Variants in TMTC3 observed in about 807,000 individuals in gnomAD.
TMTC3 encodes protein O-mannosyl-transferase TMTC3.
TMTC3 carries 52 observed loss-of-function variants against 92.2 expected under a neutral mutation model. The observed-to-expected ratio is 0.56, with a 90% CI of 0.45 to 0.71. The LOEUF (loss-of-function observed/expected upper bound fraction) is 0.71, where lower values mean the gene tolerates loss of function less well. Among genes scored for constraint, TMTC3 ranks in the 30% least tolerant of loss-of-function variants. The pLI is 0.00. For missense variants in TMTC3, 896 were observed against 1,057.1 expected (o/e 0.85, Z 2.11); for synonymous variants, 339 against 363.3 (o/e 0.93, Z 0.76).
chr12:88,168,172 T>C (rs2041166783), intron 7 of TMTC3, among the ~76,000 whole-genome samples: 1 of 152,192 alleles, frequency 6.6e-6, no homozygotes, highest in Admixed American at 6.5e-5. Context: ...GGAAAGTGTA[T>C]TACAGACCAA....
At chr12:88,165,983 A>T (rs2041138694) in intron 6 of TMTC3, among the ~76,000 whole-genome samples, 1 of 152,196 alleles carries the variant, frequency 6.6e-6, no homozygotes, top group Non-Finnish European at 1.5e-5. Context: ...CATAAATCTT[A>T]TACAACTTTT....
intron 10 of TMTC3, among the ~76,000 whole-genome samples, chr12:88,177,844 GA>G (rs1287902871): frequency 1.3e-5 from 2 of 152,224 alleles, no homozygotes; most frequent in Non-Finnish European, 2.9e-5. Context: ...GAAAGGAGGT[GA>G]AAATCATTTG....
rs1416565178 is a variant in TMTC3, at chr12:88,196,045, T to C, written c.*396T>C. ...AATTCCCATTTATTTGCCTACTTCA[T>C]TTTTCTTGCACCTCTTAGAATCTAA... On this transcript the variant is annotated 3_prime_UTR_variant, in exon 14 of 14. Coordinates refer to ENST00000266712, the MANE Select transcript of TMTC3 (RefSeq NM_181783.4). 12 of 155,118 alleles carry C rather than the reference T, an allele frequency of 7.7e-5. No homozygotes were observed. In the Admixed American group the frequency reaches 7.7e-4, roughly 10 times the overall value. The allele number at this position is 155,118 out of a possible 1,614,324, so 9.6% of individuals were successfully genotyped here.
At chr12:88,182,938 T>C (rs115525595) in intron 10 of TMTC3, among the ~76,000 whole-genome samples, 3,745 of 152,248 alleles carry the variant, frequency 0.025, 139 homozygotes, top group African/African-American at 0.083. Context: ...TACAGGCCAA[T>C]CTTGAGGAAT....
intron 4 of TMTC3, among the ~76,000 whole-genome samples, chr12:88,159,267 CTTAAAG>C (rs1271797859): frequency 1.3e-5 from 2 of 152,136 alleles, no homozygotes; most frequent in Non-Finnish European, 1.5e-5. Context: ...TAGACACTTA[CTTAAAG>C]TTGATGAAGT....
At chr12:88,185,564 A>G (rs1334067468) in intron 10 of TMTC3, among the ~76,000 whole-genome samples, 1 of 152,112 alleles carries the variant, frequency 6.6e-6, no homozygotes, top group East Asian at 1.9e-4. Flanking sequence ...ACCAGTCTTT[A>G]TGGATATATG....
intron 10 of TMTC3, among the ~76,000 whole-genome samples, chr12:88,187,349 A>T (rs145529345): frequency 6.6e-6 from 1 of 152,146 alleles, no homozygotes; most frequent in African/African-American, 2.4e-5. Context: ...TTCAGCCCTG[A>T]TTCTACATCA....
At chr12:88,186,960 G>A (rs2041384635) in intron 10 of TMTC3, among the ~76,000 whole-genome samples, 1 of 151,950 alleles carries the variant, frequency 6.6e-6, no homozygotes, top group Non-Finnish European at 1.5e-5. Context: ...TTTTATCTAA[G>A]TATATAACCT....
At chr12:88,142,922 G>A (rs929251036) in intron 1 of TMTC3, among the ~76,000 whole-genome samples, 1 of 152,100 alleles carries the variant, frequency 6.6e-6, no homozygotes, top group Non-Finnish European at 1.5e-5. Flanking sequence ...GGGGTGGAGA[G>A]AGAAGGGATC....
rs1440987574 is a variant in TMTC3 at position 88,199,560 on chromosome 12, C to CT, written c.*3912dup. The CT allele has an allele frequency of 1.3e-5, 2 of 152,056 alleles. No individual in the cohort carries two copies. Among genetic ancestry groups the CT allele is most frequent in the African/African-American group, 4.8e-5 (2 of 41,422 alleles). The allele number at this position is 152,056 out of a possible 1,614,324, so 9.4% of individuals were successfully genotyped here. ...GGATAACAAGCAAATGATTAGAAATCTAATAGTAATGCTTGTTCCTTTGCT... is the reference window on the plus strand; with the variant it reads ...GGATAACAAGCAAATGATTAGAAATCTTAATAGTAATGCTTGTTCCTTTGCT... On this transcript the variant is annotated 3_prime_UTR_variant, in exon 14 of 14. Transcript: ENST00000266712.
At chr12:88,187,759 GA>G (rs2041395278) in intron 10 of TMTC3, among the ~76,000 whole-genome samples, 6 of 152,152 alleles carry the variant, frequency 3.9e-5, no homozygotes. Flanking sequence ...TGCAGGCAAA[GA>G]ATTATTGCAC....
At chr12:88,192,873 T>C (rs957446185) in intron 13 of TMTC3, 43 bp downstream of exon 13, 1 of 1,490,044 alleles carries the variant, frequency 6.7e-7, no homozygotes, top group Admixed American at 1.9e-5. Flanking sequence ...AATTGTAGTT[T>C]ATAATATAAT....
chr12:88,164,634 C>T (rs771615500), intron 6 of TMTC3, among the ~76,000 whole-genome samples: 2 of 152,118 alleles, frequency 1.3e-5, no homozygotes, highest in Non-Finnish European at 2.9e-5. Flanking sequence ...TTTCATTTCA[C>T]CTGACTTGGC....
rs1408933097 is a variant in TMTC3 at position 88,188,879 on chromosome 12, A to G, written c.1469A>G (p.Tyr490Cys). The stretch of plus-strand genomic sequence containing the variant: ...GCCCATATGAATGTAGGAAGAACTT[A>G]TAAAAATTTAAATAGAACCAAAGAA... ...IGAHMNVGRT[Y>C]KNLNRTKEAE... Residue 490 changes from tyrosine (Y) to cysteine (C), a missense_variant, in exon 11 of 14, where the codon TAT becomes TGT. By Grantham distance (194) the Tyr-to-Cys change is radical. Coordinates refer to ENST00000266712, the MANE Select transcript of TMTC3 (RefSeq NM_181783.4). 6.3e-6 allele frequency: 10 copies of G among 1,595,158 alleles called. No homozygotes were observed. The highest frequency in any genetic ancestry group is 8.5e-6 in the Non-Finnish European group (10 of 1,172,260).
chr12:88,173,599 T>TAA (rs2041228549), intron 8 of TMTC3, among the ~76,000 whole-genome samples: 1 of 152,078 alleles, frequency 6.6e-6, no homozygotes, highest in African/African-American at 2.4e-5. Flanking sequence ...TTCAAAGTCT[T>TAA]ATGGCCACTT....
intron 7 of TMTC3, among the ~76,000 whole-genome samples, 164 bp downstream of exon 7, chr12:88,166,746 A>C (rs1434663289): frequency 5.9e-5 from 9 of 152,186 alleles, no homozygotes; most frequent in Admixed American, 5.9e-4. Context: ...TTCTCAGTTA[A>C]TTTGCAGGCA....
chr12:88,176,807 A>AT (rs1406473617), intron 10 of TMTC3, among the ~76,000 whole-genome samples: 4 of 151,660 alleles, frequency 2.6e-5, no homozygotes, highest in South Asian at 2.1e-4. Flanking sequence ...ACATTTATGG[A>AT]TTTTTTCTTA....
chr12:88,179,840 A>G (rs759921703), intron 10 of TMTC3, among the ~76,000 whole-genome samples: 1 of 152,184 alleles, frequency 6.6e-6, no homozygotes, highest in African/African-American at 2.4e-5. Context: ...CCTGTGCGCA[A>G]ATGATCAAAG....
intron 2 of TMTC3, 95 bp downstream of exon 2, chr12:88,148,599 C>T: frequency 1.1e-6 from 1 of 903,688 alleles, no homozygotes. Context: ...ATTATCATCA[C>T]AACAGTTACA....
Sources: allele counts gnomAD v4.1 joint callset (sites outside exome capture counted in the v4.1 genomes callset), GRCh38; gene constraint gnomAD v4.1.1; transcripts MANE v1.5; gene names NCBI Gene and HGNC (gene_info 2026-07-23, HGNC 2026-07-21).